Variants in ZNF536 observed in about 807,000 individuals in gnomAD.
The protein encoded by ZNF536 is zinc finger protein 536.
ZNF536 carries 13 observed loss-of-function variants against 84.5 expected under a neutral mutation model. The ratio of observed to expected loss-of-function variants is 0.15; its 90% CI spans 0.10 to 0.24. The LOEUF is 0.24. Among genes scored for constraint, ZNF536 ranks in the 10% least tolerant of loss-of-function variants. ZNF536 has a pLI of 1.00. For missense variants in ZNF536, 1,536 were observed against 1,747.5 expected, an observed-to-expected ratio of 0.88 and a Z score of 2.16; for synonymous variants, 811 against 742.5, an observed-to-expected ratio of 1.09 and a Z score of -1.50.
intron 1 of ZNF536, among the ~76,000 whole-genome samples, chr19:30,616,372 T>C (rs1344552092): frequency 6.6e-6 from 1 of 152,236 alleles, no homozygotes; most frequent in Non-Finnish European, 1.5e-5. Flanking sequence ...CAGGGATTTG[T>C]GTTTAAATTT....
At chr19:30,241,451 A>G (rs2023936069) in intron 1 of ZNF536, among the ~76,000 whole-genome samples, 1 of 152,242 alleles carries the variant, frequency 6.6e-6, no homozygotes, top group East Asian at 1.9e-4. Flanking sequence ...ATGTCACACC[A>G]GTCGGGCAGG....
chr19:30,698,040 C>T (rs2051736735), intron 1 of ZNF536, among the ~76,000 whole-genome samples: 1 of 152,120 alleles, frequency 6.6e-6, no homozygotes, highest in African/African-American at 2.4e-5. Flanking sequence ...GCCTGTAATC[C>T]CAGCACTGTG....
chr19:30,574,589 T>C (rs115671043), intron 1 of ZNF536, among the ~76,000 whole-genome samples: 2,697 of 152,340 alleles, frequency 0.018, 66 homozygotes, highest in South Asian at 0.05. Flanking sequence ...AGGCGTTGCC[T>C]TAAGGCCTTT....
chr19:30,711,969 T>A (rs1181270277), exon 2 of ZNF536: 11 of 152,326 alleles, frequency 7.2e-5, no homozygotes, highest in African/African-American at 2.4e-4. Flanking sequence ...TTATCGGATT[T>A]TTTTTCATGT....
At chr19:30,514,779 C>A (rs1356358616) in intron 2 of ZNF536, among the ~76,000 whole-genome samples, 1 of 152,054 alleles carries the variant, frequency 6.6e-6, no homozygotes, top group Non-Finnish European at 1.5e-5. Flanking sequence ...CCATATTGTA[C>A]TTGCAACGTG....
At chr19:30,696,833 C>T (rs34015811) in intron 1 of ZNF536, among the ~76,000 whole-genome samples, 15,634 of 152,150 alleles carry the variant, frequency 0.1, 1,133 homozygotes, top group East Asian at 0.34. Context: ...AATCTGGCGA[C>T]ATCTAAGCTC....
intron 1 of ZNF536, among the ~76,000 whole-genome samples, chr19:30,675,155 G>T (rs1020231770): frequency 1.6e-4 from 24 of 152,206 alleles, no homozygotes; most frequent in African/African-American, 5.3e-4. Flanking sequence ...TCCGTTTGCC[G>T]CACCTCTAAG....
chr19:30,518,762 G>A (rs2044195297), intron 2 of ZNF536, among the ~76,000 whole-genome samples: 1 of 152,180 alleles, frequency 6.6e-6, no homozygotes, highest in Admixed American at 6.5e-5. Flanking sequence ...TAAAGGTTGG[G>A]GGTGCCACCG....
chr19:30,462,527 AGG>A (rs2148436240), intron 2 of ZNF536, among the ~76,000 whole-genome samples: 1 of 151,828 alleles, frequency 6.6e-6, no homozygotes, highest in Non-Finnish European at 1.5e-5. Flanking sequence ...GGTATGAGAG[AGG>A]ATGTGCCTGT....
At position 30,373,453 on chromosome 19, in the gene ZNF536, A is replaced by G. The variant is rs187793678; in HGVS notation, c.-3+897A>G. Among the ~76,000 whole-genome samples, 275 of 152,260 alleles carry G rather than the reference A, an allele frequency of 1.8e-3. 1 individual carries two copies. Among genetic ancestry groups the G allele is most frequent in the Non-Finnish European group, 2.7e-3 (186 of 68,024 alleles). ...ATATTGAAATGCCTGGAAAAACAAAACAAAATAAAATAAAATGCAGCCTGT... is the reference window on the plus strand; with the variant it reads ...ATATTGAAATGCCTGGAAAAACAAAGCAAAATAAAATAAAATGCAGCCTGT... On this transcript the variant is annotated intron_variant, in intron 1 of 4. Transcript: ENST00000355537.
At chr19:30,657,507 A>G (rs2049959101) in intron 1 of ZNF536, among the ~76,000 whole-genome samples, 1 of 152,142 alleles carries the variant, frequency 6.6e-6, no homozygotes, top group African/African-American at 2.4e-5. Flanking sequence ...CAACGTCTTG[A>G]TCTTTCCTAC....
chr19:30,405,832 C>A (rs1265470427), intron 1 of ZNF536, among the ~76,000 whole-genome samples: 16 of 151,132 alleles, frequency 1.1e-4, no homozygotes, highest in Admixed American at 1.1e-3. Context: ...GGTTGGAGTG[C>A]ACTGGCACAA....
intron 1 of ZNF536, among the ~76,000 whole-genome samples, chr19:30,672,645 T>C (rs2050600967): frequency 6.6e-6 from 1 of 152,188 alleles, no homozygotes; most frequent in South Asian, 2.1e-4. Flanking sequence ...GAAGCCTGGT[T>C]TAAAAAACAA....
intron 2 of ZNF536, among the ~76,000 whole-genome samples, chr19:30,509,861 G>C (rs1251576997): frequency 1.3e-5 from 2 of 152,224 alleles, no homozygotes; most frequent in Admixed American, 6.5e-5. Context: ...GGTGGAAACT[G>C]TTGAATCGTG....
intron 2 of ZNF536, among the ~76,000 whole-genome samples, chr19:30,339,520 G>A (rs1415735533): frequency 6.6e-6 from 1 of 152,138 alleles, no homozygotes; most frequent in Non-Finnish European, 1.5e-5. Context: ...TTGGTCTCAG[G>A]GTGTGGCACA....
intron 1 of ZNF536, among the ~76,000 whole-genome samples, chr19:30,700,238 T>TC (rs2051871669): frequency 1.0e-5 from 1 of 98,002 alleles, no homozygotes; most frequent in African/African-American, 4.0e-5. Flanking sequence ...CTTTCTTTCT[T>TC]TCTCTCTCTC....
chr19:30,504,280 A>G (rs995242272), intron 2 of ZNF536, among the ~76,000 whole-genome samples: 1 of 70,622 alleles, frequency 1.4e-5, no homozygotes, highest in South Asian at 4.8e-4. Context: ...CCCTCCCTCT[A>G]TCCCTCCCTC....
chr19:30,453,008 T>C (rs1462826624), intron 2 of ZNF536, among the ~76,000 whole-genome samples: 2 of 151,800 alleles, frequency 1.3e-5, no homozygotes, highest in Non-Finnish European at 2.9e-5. Context: ...GTGGGGGGAC[T>C]CTGATCTCCC....
At chr19:30,648,897 G>A (rs77360558) in intron 1 of ZNF536, among the ~76,000 whole-genome samples, 3,179 of 152,278 alleles carry the variant, frequency 0.021, 106 homozygotes, top group African/African-American at 0.072. Context: ...AATATCATCC[G>A]GAAGTGCTGA....
Sources: allele counts gnomAD v4.1 joint callset (sites outside exome capture counted in the v4.1 genomes callset), GRCh38; gene constraint gnomAD v4.1.1; transcripts MANE v1.5; gene names NCBI Gene and HGNC (gene_info 2026-07-23, HGNC 2026-07-21).